KIAA1328: variants seen among roughly 807,000 people sequenced by gnomAD.
KIAA1328 encodes KIAA1328.
A neutral mutation model predicts 68.1 loss-of-function variants in KIAA1328; 52 were observed. The observed-to-expected ratio is 0.76, with a 90% confidence interval of 0.61 to 0.96. The LOEUF (loss-of-function observed/expected upper bound fraction) is 0.96. Among genes scored for constraint, KIAA1328 ranks in the 40% least tolerant of loss-of-function variants. KIAA1328 has a pLI of 0.00. For missense variants in KIAA1328, 641 were observed against 677.6 expected, an observed-to-expected ratio of 0.95 and a Z score of 0.60; for synonymous variants, 232 against 239.4, an observed-to-expected ratio of 0.97 and a Z score of 0.28.
At chr18:36,950,748 A>G (rs2051127353) in intron 5 of KIAA1328, among the ~76,000 whole-genome samples, 1 of 152,164 alleles carries the variant, frequency 6.6e-6, no homozygotes, top group South Asian at 2.1e-4. Flanking sequence ...TAGTGAAAAT[A>G]TTTGGGTTCA....
At chr18:36,997,297 TC>T (rs2151436810) in intron 6 of KIAA1328, among the ~76,000 whole-genome samples, 1 of 152,292 alleles carries the variant, frequency 6.6e-6, no homozygotes, top group Non-Finnish European at 1.5e-5. Context: ...ATTTAATTCT[TC>T]CCTTTTTCCC....
intron 7 of KIAA1328, among the ~76,000 whole-genome samples, chr18:37,148,130 C>G (rs1040079882): frequency 1.3e-5 from 2 of 152,082 alleles, no homozygotes; most frequent in African/African-American, 4.8e-5. Context: ...TCCCTCCCCC[C>G]ACCACACCTC....
chr18:37,143,526 T>C (rs1043832215), intron 7 of KIAA1328, among the ~76,000 whole-genome samples: 1 of 113,994 alleles, frequency 8.8e-6, no homozygotes, highest in Non-Finnish European at 2.1e-5. Flanking sequence ...TCTTTCTTTT[T>C]TTTTTTTTTT....
Position 37,160,219 on chromosome 18 carries a change from G to A in KIAA1328, c.1252G>A (p.Asp418Asn), listed in dbSNP as rs1214041989. Residue 418 changes from aspartate (D) to asparagine (N), a missense_variant, in exon 8 of 10, where the codon GAT becomes AAT. Physicochemically the swap from Asp to Asn is conservative, Grantham distance 23. Coordinates refer to ENST00000280020, the MANE Select transcript of KIAA1328 (RefSeq NM_020776.3). ...TTTCAGTTTATTGAAGTCAAACTGTGATGGCTGGCTGCTTGGAACATCATC... is the reference window on the plus strand; with the variant it reads ...TTTCAGTTTATTGAAGTCAAACTGTAATGGCTGGCTGCTTGGAACATCATC... ...DYNCLLKSNC[D>N]GWLLGTSSSI... 2 of 1,612,476 alleles carry A rather than the reference G, an allele frequency of 1.2e-6. No individual in the cohort carries two copies. The highest frequency in any genetic ancestry group is 1.7e-6 in the Non-Finnish European group (2 of 1,179,248).
At chr18:37,013,227 G>A (rs2054036626) in intron 6 of KIAA1328, among the ~76,000 whole-genome samples, 1 of 152,108 alleles carries the variant, frequency 6.6e-6, no homozygotes, top group Admixed American at 6.6e-5. Context: ...CTCAACTAGG[G>A]AGTTAGATCA....
intron 5 of KIAA1328, among the ~76,000 whole-genome samples, chr18:36,896,226 T>C (rs2048863097): frequency 6.6e-6 from 1 of 152,224 alleles, no homozygotes; most frequent in Non-Finnish European, 1.5e-5. Context: ...TTAATACATT[T>C]TTGAACAATA....
intron 4 of KIAA1328, among the ~76,000 whole-genome samples, chr18:36,877,268 G>A (rs1202107677): frequency 6.6e-6 from 1 of 152,030 alleles, no homozygotes; most frequent in African/African-American, 2.4e-5. Context: ...TTTTGACAGT[G>A]GGGTGTTAAA....
intron 7 of KIAA1328, among the ~76,000 whole-genome samples, chr18:37,071,045 ATT>A (rs11330255): frequency 1.9e-5 from 1 of 52,940 alleles, no homozygotes; most frequent in African/African-American, 4.3e-5. Context: ...TTTGTTTTTG[ATT>A]TTTTTCTTCC....
chr18:37,124,992 A>G (rs909746850), intron 7 of KIAA1328, among the ~76,000 whole-genome samples: 1 of 152,222 alleles, frequency 6.6e-6, no homozygotes, highest in Non-Finnish European at 1.5e-5. Flanking sequence ...CCACAGTTAA[A>G]ATGGAAAACA....
rs11874025 is a variant in KIAA1328 at position 37,128,903 on chromosome 18, A to G, written c.1233-31297A>G. ...TATGCTAAATGGGAAAAAAAAGACA[A>G]CAAAAAAGACCATATATGGTATGAT... On this transcript the variant is annotated intron_variant, in intron 7 of 9. Transcript: ENST00000280020. Among the ~76,000 whole-genome samples the G allele has an allele frequency of 4.9e-3, 752 of 152,270 alleles. 6 individuals carry two copies. The highest frequency in any genetic ancestry group is 0.017 in the African/African-American group (711 of 41,566).
chr18:37,176,824 T>G (rs1444879448), intron 9 of KIAA1328, among the ~76,000 whole-genome samples: 3 of 152,252 alleles, frequency 2.0e-5, no homozygotes, highest in Non-Finnish European at 2.9e-5. Flanking sequence ...TACCATTTGC[T>G]TCTCAAATGA....
At chr18:37,008,879 A>G (rs1456826550) in intron 6 of KIAA1328, among the ~76,000 whole-genome samples, 1 of 152,152 alleles carries the variant, frequency 6.6e-6, no homozygotes, top group Non-Finnish European at 1.5e-5. Flanking sequence ...GGAAAAAGAG[A>G]GGAAAAAAAA....
intron 5 of KIAA1328, chr18:36,895,863 C>T (rs1246622): frequency 0.045 from 20,076 of 449,270 alleles, 3,382 homozygotes; most frequent in African/African-American, 0.36. Context: ...TGTCACACAC[C>T]ACACCCCCAC....
At chr18:36,924,760 C>T (rs1405803511) in intron 5 of KIAA1328, among the ~76,000 whole-genome samples, 1 of 151,620 alleles carries the variant, frequency 6.6e-6, no homozygotes, top group Non-Finnish European at 1.5e-5. Flanking sequence ...AAAGATAGGA[C>T]CTTAGAATAA....
chr18:37,218,768 T>C (rs1568547894), intron 9 of KIAA1328, among the ~76,000 whole-genome samples: 1 of 152,242 alleles, frequency 6.6e-6, no homozygotes, highest in Non-Finnish European at 1.5e-5. Context: ...CATCCTCCTT[T>C]AGCTTGGAGA....
chr18:37,098,832 T>G (rs2057502431), intron 7 of KIAA1328, among the ~76,000 whole-genome samples: 1 of 152,246 alleles, frequency 6.6e-6, no homozygotes, highest in Non-Finnish European at 1.5e-5. Flanking sequence ...AATTTATCCA[T>G]TTCTTGTAGA....
intron 5 of KIAA1328, among the ~76,000 whole-genome samples, chr18:36,942,156 T>C (rs1015551422): frequency 6.6e-6 from 1 of 152,208 alleles, no homozygotes; most frequent in Admixed American, 6.5e-5. Context: ...GTATGGCTTA[T>C]AACACAAAGG....
chr18:36,880,289 C>T (rs1310367207), intron 4 of KIAA1328, among the ~76,000 whole-genome samples: 2 of 152,162 alleles, frequency 1.3e-5, no homozygotes, highest in African/African-American at 4.8e-5. Flanking sequence ...AGGGAGTTCC[C>T]CAATGCCTTG....
chr18:37,069,885 T>C (rs935209427), intron 7 of KIAA1328, among the ~76,000 whole-genome samples: 6 of 152,066 alleles, frequency 3.9e-5, no homozygotes, highest in Admixed American at 1.3e-4. Context: ...ACTTTGCTCT[T>C]CTTTTTTCCT....
Sources: gnomAD v4.1 joint callset for allele counts (sites outside exome capture counted in the v4.1 genomes callset) on GRCh38, gnomAD v4.1.1 for gene constraint, MANE v1.5 for transcripts, NCBI Gene and HGNC (gene_info 2026-07-23, HGNC 2026-07-21) for gene names.